The following NPEPPS variants were observed in gnomAD, a reference collection of about 807,000 sequenced individuals.
NPEPPS encodes the protein puromycin-sensitive aminopeptidase.
NPEPPS carries 14 observed loss-of-function variants against 115.5 expected under a neutral mutation model. The observed-to-expected ratio is 0.12, with a 90% confidence interval of 0.08 to 0.19. NPEPPS has a LOEUF of 0.19. Among genes scored for constraint, NPEPPS ranks in the 10% least tolerant of loss-of-function variants. NPEPPS has a pLI of 1.00. For synonymous variants in NPEPPS, 285 were observed against 390.6 expected (o/e 0.73, Z 3.19); for missense variants, 523 against 1,110.8 (o/e 0.47, Z 7.52).
In NPEPPS at chr17:47,605,445, C is replaced by A; in HGVS notation, c.1988C>A (p.Ser663Ter). ...SDLSCNLGIL[S>*]TLLSHTDFYE... ...CTGAGCTGTAACCTGGGGATTCTCT[C>A]AACTCTCTTGTCCCACACAGACTTC... The change falls in exon 17 of 23, where the codon TCA becomes TAA. Residue 663 changes from serine to a stop codon, truncating the protein, a stop_gained. Transcript: ENST00000322157. LOFTEE classifies it high-confidence loss of function. The A allele has an allele frequency of 6.2e-7, 1 of 1,609,654 alleles. No individual in the cohort carries two copies. The highest frequency in any genetic ancestry group is 1.3e-5 in the African/African-American group (1 of 74,986).
intron 2 of NPEPPS, among the ~76,000 whole-genome samples, chr17:47,556,289 C>A (rs975346662): frequency 6.6e-6 from 1 of 150,964 alleles, no homozygotes; most frequent in Non-Finnish European, 1.5e-5. Context: ...TGACTCTTAA[C>A]GAGCATGCTA....
intron 3 of NPEPPS, among the ~76,000 whole-genome samples, chr17:47,569,748 G>T (rs1190797212): frequency 1.3e-5 from 2 of 152,020 alleles, no homozygotes; most frequent in African/African-American, 4.8e-5. Flanking sequence ...CTCCCGAGTA[G>T]CTGGGATTAC....
At chr17:47,563,037 T>TG (rs1185340985) in intron 2 of NPEPPS, among the ~76,000 whole-genome samples, 22 of 150,538 alleles carry the variant, frequency 1.5e-4, no homozygotes, top group Admixed American at 4.6e-4. Context: ...TTTGTTTGTT[T>TG]TGTTTTTTTT....
At chr17:47,578,098 A>T (rs1380322669) in intron 3 of NPEPPS, among the ~76,000 whole-genome samples, 2 of 151,508 alleles carry the variant, frequency 1.3e-5, no homozygotes, top group African/African-American at 2.4e-5. Context: ...CCAGCTACTC[A>T]GGAGGCTGAG....
chr17:47,605,750 G>A (rs868150277), intron 17 of NPEPPS, among the ~76,000 whole-genome samples, 198 bp downstream of exon 17: 66 of 152,250 alleles, frequency 4.3e-4, no homozygotes, highest in African/African-American at 1.5e-3. Flanking sequence ...GTGGTTATGT[G>A]TGTTCGATGC....
rs1163530675 is a variant in NPEPPS at position 47,535,242 on chromosome 17, CAAAAAAAAAA to C, written c.255+3705_255+3714del. 1.9e-3 allele frequency among the ~76,000 whole-genome samples: 111 copies of C among 57,086 alleles called. 1 individual carries two copies. Among genetic ancestry groups the C allele is most frequent in the South Asian group, 4.2e-3 (7 of 1,652 alleles). 37.5% of individuals were successfully genotyped at this position (57,086 alleles called of 152,430 possible). A position where few individuals can be genotyped will look rare whatever the true frequency, so the allele number is the denominator to read the frequency against. Reference sequence around the variant, plus strand: ...TGGGCAACAGAGCAAGACTCTGTCTCAAAAAAAAAAAAAAAAAAAAAAAAAAAGGCTGGGC... The same window carrying C: ...TGGGCAACAGAGCAAGACTCTGTCTCAAAAAAAAAAAAAAAAAGGCTGGGC... On this transcript the variant is annotated intron_variant, in intron 1 of 22. Transcript: ENST00000322157.
chr17:47,538,531 T>C (rs907597876), intron 1 of NPEPPS, among the ~76,000 whole-genome samples: 220 of 142,558 alleles, frequency 1.5e-3, no homozygotes, highest in Non-Finnish European at 2.4e-3. Flanking sequence ...GTTTTCTTTT[T>C]TTTTTTTTTT....
At chr17:47,555,953 AT>A (rs1185973981) in intron 2 of NPEPPS, among the ~76,000 whole-genome samples, 1 of 96,540 alleles carries the variant, frequency 1.0e-5, no homozygotes, top group Non-Finnish European at 2.2e-5. Flanking sequence ...GTCAGGGCTC[AT>A]TTTATTTATT....
intron 2 of NPEPPS, among the ~76,000 whole-genome samples, chr17:47,553,333 A>G (rs1224559926): frequency 6.6e-6 from 1 of 151,220 alleles, no homozygotes; most frequent in Non-Finnish European, 1.5e-5. Context: ...AGATCACGCC[A>G]TTGCACTCCA....
At chr17:47,530,858 C>T (rs918517957), upstream of NPEPPS, among the ~76,000 whole-genome samples, 3 of 151,906 alleles carry the variant, frequency 2.0e-5, no homozygotes, top group African/African-American at 7.2e-5. Flanking sequence ...CCCGAGGGCC[C>T]CTTATGCCTT....
At chr17:47,535,380 C>CCTCTACTA (rs1299924610) in intron 1 of NPEPPS, among the ~76,000 whole-genome samples, 1 of 146,422 alleles carries the variant, frequency 6.8e-6, no homozygotes, top group Non-Finnish European at 1.5e-5. Flanking sequence ...TGAAACCCCG[C>CCTCTACTA]CTCTACTAAA....
At chr17:47,591,712 T>A in intron 10 of NPEPPS, 1 of 379,770 alleles carries the variant, frequency 2.6e-6, no homozygotes, top group Non-Finnish European at 4.8e-6. Context: ...CCATAGTGGC[T>A]TCTTTCCCAG....
intron 2 of NPEPPS, among the ~76,000 whole-genome samples, chr17:47,568,935 G>A (rs1179652808): frequency 6.6e-5 from 10 of 151,836 alleles, no homozygotes; most frequent in Admixed American, 2.6e-4. Context: ...GATTACAGGC[G>A]TGAGCCACCA....
intron 2 of NPEPPS, among the ~76,000 whole-genome samples, chr17:47,562,015 T>G (rs1910462554): frequency 6.6e-6 from 1 of 152,222 alleles, no homozygotes; most frequent in South Asian, 2.1e-4. Context: ...GCTGAACACG[T>G]GGAGGGTCCT....
At chr17:47,525,120 C>G (rs925325071) in intron 1 of NPEPPS, among the ~76,000 whole-genome samples, 3 of 151,896 alleles carry the variant, frequency 2.0e-5, no homozygotes, top group African/African-American at 4.8e-5. Context: ...TTCAGAGAAG[C>G]CTGTATGGAG....
Position 47,622,780 on chromosome 17 carries a change from A to T in NPEPPS, c.*860A>T, listed in dbSNP as rs1412108071. Reference sequence around the variant, plus strand: ...TTATATAGGTGAGACAATAGAAATAAAAAGATCTTCAGCCAGGCCTTTCTG... The same window carrying T: ...TTATATAGGTGAGACAATAGAAATATAAAGATCTTCAGCCAGGCCTTTCTG... On this transcript the variant is annotated 3_prime_UTR_variant, in exon 23 of 23. Transcript: ENST00000322157. 2.3e-6 allele frequency: 1 copy of T among 426,982 alleles called. No individual in the cohort carries two copies. The highest frequency in any genetic ancestry group is 2.1e-5 in the African/African-American group (1 of 48,000). 26.4% of individuals were successfully genotyped at this position (426,982 alleles called of 1,614,324 possible).
intron 2 of NPEPPS, among the ~76,000 whole-genome samples, chr17:47,547,752 C>G (rs553995623): frequency 7.9e-5 from 12 of 152,208 alleles, no homozygotes; most frequent in African/African-American, 2.6e-4. Context: ...TACGGCCGGG[C>G]GCGGTGGCTC....
At chr17:47,574,470 T>C (rs1440628411) in intron 3 of NPEPPS, among the ~76,000 whole-genome samples, 1 of 151,894 alleles carries the variant, frequency 6.6e-6, no homozygotes, top group Non-Finnish European at 1.5e-5. Flanking sequence ...CAGGGAAGAG[T>C]AGACAGAAAC....
intron 2 of NPEPPS, among the ~76,000 whole-genome samples, chr17:47,567,791 A>G (rs1910923823): frequency 6.6e-6 from 1 of 152,062 alleles, no homozygotes; most frequent in Non-Finnish European, 1.5e-5. Context: ...GTTTCTTAGT[A>G]TAATGTTTTC....
Sources: gnomAD v4.1 joint callset for allele counts (sites outside exome capture counted in the v4.1 genomes callset) on GRCh38, gnomAD v4.1.1 for gene constraint, MANE v1.5 for transcripts, NCBI Gene and HGNC (gene_info 2026-07-23, HGNC 2026-07-21) for gene names.